SNX31: variants seen among roughly 807,000 people sequenced by gnomAD.
SNX31 encodes the protein sorting nexin-31.
A neutral mutation model predicts 65.4 loss-of-function variants in SNX31; 58 were observed. The observed-to-expected ratio is 0.89, with a 90% CI of 0.72 to 1.10. The LOEUF is 1.10. Ranked by LOEUF, SNX31 falls within the 50% of genes least tolerant of loss-of-function variation. The pLI, the probability that SNX31 is intolerant of heterozygous loss-of-function variation, is 0.00. For synonymous variants in SNX31, 181 were observed against 190.1 expected, an observed-to-expected ratio of 0.95 and a Z score of 0.39; for missense variants, 523 against 529.7, an observed-to-expected ratio of 0.99 and a Z score of 0.12.
intron 4 of SNX31, among the ~76,000 whole-genome samples, 155 bp from the exon 5 acceptor site, chr8:100,617,885 C>A (rs182336549): frequency 2.0e-5 from 3 of 151,916 alleles, no homozygotes; most frequent in African/African-American, 7.3e-5. Context: ...CTTCCTCAGC[C>A]TCCCAAGTAG....
At chr8:100,650,850 G>GTTTTTTTTTTTTTTTTTTTTTT (rs58797178), upstream of SNX31, among the ~76,000 whole-genome samples, 1 of 136,970 alleles carries the variant, frequency 7.3e-6, no homozygotes. Context: ...GTGTTTTTTT[G>GTTTTTTTTTTTTTTTTTTTTTT]TTTTTTTTTT....
In SNX31 at chr8:100,613,006, C is replaced by T. The variant is rs1487989740; in HGVS notation, c.512G>A (p.Gly171Asp). The T allele has an allele frequency of 1.2e-6, 2 of 1,613,944 alleles. No individual in the cohort carries two copies. Among genetic ancestry groups the T allele is most frequent in the Admixed American group, 3.3e-5 (2 of 60,016 alleles). Reference protein sequence around the residue: ...GLFLIRFGKEGKLSVVKKLAD... With the variant: ...GLFLIRFGKEDKLSVVKKLAD... ...TCCTTCCTTCTTACCAGAGAGCTTG[C>T]CCTCCTTGCCAAACCGAATGAGAAA... is the stretch of plus-strand genomic sequence containing the variant. The change falls in exon 6 of 14, where the codon GGC becomes GAC. Residue 171 changes from glycine (G) to aspartate (D), a missense_variant. Physicochemically the swap from Gly to Asp is moderately conservative, Grantham distance 94. Transcript: ENST00000311812. The surrounding 1 kb of genome is among the most constrained non-coding windows in gnomAD (Gnocchi z 5.2).
chr8:100,600,176 T>C (rs1176204830), intron 9 of SNX31, among the ~76,000 whole-genome samples, 173 bp downstream of exon 9: 1 of 152,214 alleles, frequency 6.6e-6, no homozygotes, highest in Admixed American at 6.5e-5. Context: ...CTTTAAACAA[T>C]AAGCTTTTAT....
rs1180983467 is a variant in SNX31, at chr8:100,640,373, A to G, written c.142-4362T>C. Among the ~76,000 whole-genome samples, 10 of 152,182 alleles carry G rather than the reference A, an allele frequency of 6.6e-5. 1 individual carries two copies. Among genetic ancestry groups the G allele is most frequent in the Admixed American group, 6.5e-4 (10 of 15,280 alleles). Reference sequence around the variant, plus strand: ...ACTCCTGACCTCAGGTGATCCACCCACCTTGGCCTCCCAAAATGTTGGGAT... The same window carrying G: ...ACTCCTGACCTCAGGTGATCCACCCGCCTTGGCCTCCCAAAATGTTGGGAT... On this transcript the variant is annotated intron_variant, in intron 2 of 13. Coordinates refer to ENST00000311812, the MANE Select transcript of SNX31 (RefSeq NM_152628.4).
intron 1 of SNX31, chr8:100,657,935 T>C (rs902700361): frequency 2.8e-6 from 1 of 363,138 alleles, no homozygotes; most frequent in Non-Finnish European, 5.4e-6. Flanking sequence ...ACTAAAAAAA[T>C]TGGTCACCAC....
rs76036505 is a variant in SNX31, at chr8:100,638,968, T to A, written c.142-2957A>T. On this transcript the variant is annotated intron_variant, in intron 2 of 13. Coordinates refer to ENST00000311812, the MANE Select transcript of SNX31 (RefSeq NM_152628.4). Reference sequence around the variant, plus strand: ...CAGTCTGGAAAAGCTATATACTATATGATTTCAATTATATGACTTTCTGGA... The same window carrying A: ...CAGTCTGGAAAAGCTATATACTATAAGATTTCAATTATATGACTTTCTGGA... Among the ~76,000 whole-genome samples the A allele has an allele frequency of 2.9e-3, 445 of 152,336 alleles. 2 individuals are homozygous for A. Among genetic ancestry groups the A allele is most frequent in the African/African-American group, 0.01 (424 of 41,566 alleles).
Position 100,604,678 on chromosome 8 carries a change from G to C in SNX31, c.681+3816C>G, listed in dbSNP as rs1289733964. ...CCTTCAAAATGTATACTTACTTATA[G>C]TTTTAAATGCAATCTCTCATTTTTA... On this transcript the variant is annotated intron_variant, in intron 8 of 13. Transcript: ENST00000311812. This position sits in a 1 kb window ranked among gnomAD's most constrained non-coding sequence, Gnocchi z 4.3. 6.6e-6 allele frequency among the ~76,000 whole-genome samples: 1 copy of C among 152,244 alleles called. No homozygotes were observed. The highest frequency in any genetic ancestry group is 2.4e-5 in the African/African-American group (1 of 41,460).
At chr8:100,641,231 C>A (rs1819152767) in intron 2 of SNX31, among the ~76,000 whole-genome samples, 1 of 151,936 alleles carries the variant, frequency 6.6e-6, no homozygotes, top group East Asian at 1.9e-4. Flanking sequence ...ACCTGATCCT[C>A]ATCTCTCATT....
At chr8:100,602,154 C>T (rs1349113899) in intron 8 of SNX31, among the ~76,000 whole-genome samples, 1 of 152,172 alleles carries the variant, frequency 6.6e-6, no homozygotes, top group East Asian at 1.9e-4. Flanking sequence ...ATGGCAATGC[C>T]CAGCAATTCT....
intron 1 of SNX31, among the ~76,000 whole-genome samples, chr8:100,659,572 T>C (rs1341176279): frequency 6.6e-6 from 1 of 152,190 alleles, no homozygotes; most frequent in Non-Finnish European, 1.5e-5. Context: ...CCTGCTTTTC[T>C]GAACAAAGGT....
chr8:100,636,109 C>A, intron 2 of SNX31, 98 bp from the exon 3 acceptor site: 1 of 763,852 alleles, frequency 1.3e-6, no homozygotes, highest in Non-Finnish European at 2.2e-6. Context: ...CATCCCAGCA[C>A]TTTATTTCAA....
intron 2 of SNX31, among the ~76,000 whole-genome samples, chr8:100,641,595 T>TATATATATATATATATAC (rs1241411821): frequency 4.5e-5 from 1 of 22,106 alleles, no homozygotes; most frequent in Non-Finnish European, 6.6e-5. Context: ...TATATATATA[T>TATATATATATATATATAC]ACACATACAC....
At position 100,648,933 on chromosome 8, in the gene SNX31, G is replaced by A. The variant is rs1000818738; in HGVS notation, c.141+341C>T. 6.6e-6 allele frequency among the ~76,000 whole-genome samples: 1 copy of A among 152,242 alleles called. No homozygotes were observed. Among genetic ancestry groups the A allele is most frequent in the Admixed American group, 6.5e-5 (1 of 15,286 alleles). On this transcript the variant is annotated intron_variant, in intron 2 of 13. Transcript: ENST00000311812. The surrounding 1 kb of genome is among the most constrained non-coding windows in gnomAD (Gnocchi z 4.3). ...ATTTTGGAGGGAAGCATTGTCCTGGGGAACAGCGGGCACTGAAATGGGGCC... is the reference window on the plus strand; with the variant it reads ...ATTTTGGAGGGAAGCATTGTCCTGGAGAACAGCGGGCACTGAAATGGGGCC...
chr8:100,619,891 C>T (rs1272808887), intron 4 of SNX31: 1 of 152,228 alleles, frequency 6.6e-6, no homozygotes, highest in Non-Finnish European at 1.5e-5. Flanking sequence ...TGTTTGGAGA[C>T]TGCTATGTAA....
rs1468203375 is a variant in SNX31, at chr8:100,588,551, G to A, written c.1092+315C>T. ...GAGTTGAGCAGTTGCAACAGAGACT[G>A]TATGGATCTCAAATCCTAAAATATT... On this transcript the variant is annotated intron_variant, in intron 11 of 13. Transcript: ENST00000311812. This position sits in a 1 kb window ranked among gnomAD's most constrained non-coding sequence, Gnocchi z 4.8. Among the ~76,000 whole-genome samples, 1 of 152,210 alleles carries A rather than the reference G, an allele frequency of 6.6e-6. No homozygotes were observed. Among genetic ancestry groups the A allele is most frequent in the African/African-American group, 2.4e-5 (1 of 41,464 alleles).
chr8:100,581,323 A>C (rs1241230250), intron 12 of SNX31, among the ~76,000 whole-genome samples: 4 of 125,216 alleles, frequency 3.2e-5, no homozygotes, highest in African/African-American at 1.6e-4. Flanking sequence ...ATATATCTAT[A>C]TCTATCTATC....
chr8:100,623,272 C>A (rs2131131480), intron 4 of SNX31, among the ~76,000 whole-genome samples: 1 of 152,276 alleles, frequency 6.6e-6, no homozygotes, highest in East Asian at 1.9e-4. Context: ...CATGAGAACT[C>A]ACTCACTGTC....
At chr8:100,617,217 C>A (rs1042826573) in intron 5 of SNX31, among the ~76,000 whole-genome samples, 1 of 152,192 alleles carries the variant, frequency 6.6e-6, no homozygotes, top group Admixed American at 6.5e-5. Context: ...CCTTCAAGAA[C>A]TCCCCTGTCA....
Position 100,588,887 on chromosome 8 carries a change from C to T in SNX31, c.1071G>A (p.Trp357Ter), listed in dbSNP as rs1215581214. 1 of 1,613,892 alleles carries T rather than the reference C, an allele frequency of 6.2e-7. No homozygotes were observed. Among genetic ancestry groups the T allele is most frequent in the African/African-American group, 1.3e-5 (1 of 75,016 alleles). Residue 357 changes from tryptophan (W) to a stop codon, truncating the protein, a stop_gained, in exon 11 of 14, where the codon TGG becomes TGA. Coordinates refer to ENST00000311812, the MANE Select transcript of SNX31 (RefSeq NM_152628.4). LOFTEE classifies it high-confidence loss of function. This position sits in a 1 kb window ranked among gnomAD's most constrained non-coding sequence, Gnocchi z 4.8. ...TCACCTGTTTGGTGTAAATAACAAA[C>T]CACTGCCAGCAACTATCCTCACTGT... The part of the protein sequence containing the change: ...FQYSEDSCWQ[W>*]FVIYTKQAFL...
Sources: allele counts gnomAD v4.1 joint callset (sites outside exome capture counted in the v4.1 genomes callset), GRCh38; gene constraint gnomAD v4.1.1; non-coding constraint Gnocchi (gnomAD v3.1); transcripts MANE v1.5; gene names NCBI Gene and HGNC (gene_info 2026-07-23, HGNC 2026-07-21).